Variants in TNFSF9 observed in about 807,000 individuals in gnomAD.
TNFSF9 encodes the protein tumor necrosis factor ligand superfamily member 9.
Under a neutral mutation model 10.3 loss-of-function variants are expected in TNFSF9, and 10 were observed. The observed-to-expected ratio is 0.97, with a 90% CI of 0.60 to 1.65. TNFSF9 has a LOEUF of 1.65. Among genes scored for constraint, TNFSF9 ranks in the 40% most tolerant of loss-of-function variants. TNFSF9 has a pLI of 0.00. For missense variants in TNFSF9, 361 were observed against 348.9 expected, an observed-to-expected ratio of 1.03 and a Z score of -0.28; for synonymous variants, 195 against 176.1, an observed-to-expected ratio of 1.11 and a Z score of -0.85.
At position 6,534,812 on chromosome 19, in the gene TNFSF9, C is replaced by T. The variant is rs374312384; in HGVS notation, c.511C>T (p.Arg171Cys). ...VSLALHLQPL[R>C]SAAGAAALAL... is the part of the protein sequence containing the mutation. Reference sequence around the variant, plus strand: ...ACTTGCGCTGCACCTGCAGCCACTGCGCTCTGCTGCTGGGGCCGCCGCCCT... The same window carrying T: ...ACTTGCGCTGCACCTGCAGCCACTGTGCTCTGCTGCTGGGGCCGCCGCCCT... Residue 171 changes from arginine to cysteine, a missense_variant, in exon 3 of 3, where the codon CGC becomes TGC. Transcript: ENST00000245817. 3.5e-4 allele frequency: 568 copies of T among 1,602,670 alleles called. 7 individuals carry two copies. The South Asian group carries it at 5.8e-3, about 16-fold the overall frequency.
rs370981091 is a variant in TNFSF9 at position 6,534,832 on chromosome 19, C to T, written c.531C>T (p.Ala177=). 10 of 1,605,534 alleles carry T rather than the reference C, an allele frequency of 6.2e-6. No individual in the cohort carries two copies. The highest frequency in any genetic ancestry group is 2.7e-5 in the African/African-American group (2 of 74,956). ...CACTGCGCTCTGCTGCTGGGGCCGC[C>T]GCCCTGGCTTTGACCGTGGACCTGC... ...LQPLRSAAGA[A]ALALTVDLPP... is the part of the protein sequence containing the mutation. Residue 177 remains alanine, a synonymous_variant, in exon 3 of 3, where the codon GCC becomes GCT. Transcript: ENST00000245817.
chr19:6,535,583 T>C lies in TNFSF9; in HGVS notation c.*517T>C, dbSNP rs1915249662. Reference sequence around the variant, plus strand: ...GAAATAGACTGAAAGAAAATCTGAGTTATGGTAATACGTGAGGAATTTAAA... The same window carrying C: ...GAAATAGACTGAAAGAAAATCTGAGCTATGGTAATACGTGAGGAATTTAAA... On this transcript the variant is annotated 3_prime_UTR_variant, in exon 3 of 3. Coordinates refer to ENST00000245817, the MANE Select transcript of TNFSF9 (RefSeq NM_003811.4). 1 of 152,092 alleles carries C rather than the reference T, an allele frequency of 6.6e-6. No homozygotes were observed. Among genetic ancestry groups the C allele is most frequent in the South Asian group, 2.1e-4 (1 of 4,828 alleles). 9.4% of individuals were successfully genotyped at this position (152,092 alleles called of 1,614,324 possible).
At position 6,535,092 on chromosome 19, in the gene TNFSF9, G is replaced by A; in HGVS notation, c.*26G>A. 6.6e-7 allele frequency: 1 copy of A among 1,505,434 alleles called. No homozygotes were observed. Among genetic ancestry groups the A allele is most frequent in the Non-Finnish European group, 8.9e-7 (1 of 1,127,328 alleles). The allele number at this position is 1,505,434 out of a possible 1,614,324, so 93.3% of individuals were successfully genotyped here. A position where few individuals can be genotyped will look rare whatever the true frequency, so the allele number is the denominator to read the frequency against. ...CGTCCAGCCTGGGTGCAGCCCACCT[G>A]GACAGAGTCCGAATCCTACTCCATC... On this transcript the variant is annotated 3_prime_UTR_variant, in exon 3 of 3. Transcript: ENST00000245817.
At chr19:6,534,225 C>G (rs1354105533) in intron 2 of TNFSF9, among the ~76,000 whole-genome samples, 1 of 151,314 alleles carries the variant, frequency 6.6e-6, no homozygotes. Context: ...CCTCTTCCTG[C>G]ATGTCTTTCC....
In TNFSF9 at chr19:6,535,865, A is replaced by G. The variant is rs1034662891; in HGVS notation, c.*799A>G. 2.0e-5 allele frequency: 3 copies of G among 152,138 alleles called. No homozygotes were observed. The highest frequency in any genetic ancestry group is 7.2e-5 in the African/African-American group (3 of 41,408). The allele number at this position is 152,138 out of a possible 1,614,324, so 9.4% of individuals were successfully genotyped here. ...ATTTTTTTGCGGAGACGGTATTGCT[A>G]TGTTGCCAAGGTTGTTTACATGCCA... On this transcript the variant is annotated 3_prime_UTR_variant, in exon 3 of 3. Coordinates refer to ENST00000245817, the MANE Select transcript of TNFSF9 (RefSeq NM_003811.4).
chr19:6,535,008 G>T lies in TNFSF9; in HGVS notation c.707G>T (p.Gly236Val), dbSNP rs1377412627. Residue 236 changes from glycine (G) to valine (V), a missense_variant, in exon 3 of 3, where the codon GGA (glycine) becomes GTA (valine). Coordinates refer to ENST00000245817, the MANE Select transcript of TNFSF9 (RefSeq NM_003811.4). Reference sequence around the variant, plus strand: ...CTTACCCAGGGCGCCACAGTCTTGGGACTCTTCCGGGTGACCCCCGAAATC... The same window carrying T: ...CTTACCCAGGGCGCCACAGTCTTGGTACTCTTCCGGGTGACCCCCGAAATC... ...WQLTQGATVL[G>V]LFRVTPEIPA... 5 of 1,602,640 alleles carry T rather than the reference G, an allele frequency of 3.1e-6. No homozygotes were observed. In the South Asian group the frequency reaches 5.5e-5, roughly 18 times the overall value.
At position 6,535,084 on chromosome 19, in the gene TNFSF9, G is replaced by A. The variant is rs767783717; in HGVS notation, c.*18G>A. The A allele has an allele frequency of 2.6e-6, 4 of 1,523,582 alleles. No individual in the cohort carries two copies. The highest frequency in any genetic ancestry group is 1.3e-5 in the South Asian group (1 of 77,026). 94.4% of individuals were successfully genotyped at this position (1,523,582 alleles called of 1,614,324 possible). On this transcript the variant is annotated 3_prime_UTR_variant, in exon 3 of 3. Coordinates refer to ENST00000245817, the MANE Select transcript of TNFSF9 (RefSeq NM_003811.4). Reference sequence around the variant, plus strand: ...CGGAATAACGTCCAGCCTGGGTGCAGCCCACCTGGACAGAGTCCGAATCCT... The same window carrying A: ...CGGAATAACGTCCAGCCTGGGTGCAACCCACCTGGACAGAGTCCGAATCCT...
chr19:6,535,091 T>C lies in TNFSF9; in HGVS notation c.*25T>C. On this transcript the variant is annotated 3_prime_UTR_variant, in exon 3 of 3. Transcript: ENST00000245817. ...ACGTCCAGCCTGGGTGCAGCCCACC[T>C]GGACAGAGTCCGAATCCTACTCCAT... The C allele has an allele frequency of 6.6e-7, 1 of 1,507,926 alleles. No individual in the cohort carries two copies. The highest frequency in any genetic ancestry group is 8.9e-7 in the Non-Finnish European group (1 of 1,128,472). 93.4% of individuals were successfully genotyped at this position (1,507,926 alleles called of 1,614,324 possible). A position where few individuals can be genotyped will look rare whatever the true frequency, so the allele number is the denominator to read the frequency against.
chr19:6,533,836 C>T (rs370106143), intron 2 of TNFSF9, among the ~76,000 whole-genome samples: 1 of 23,896 alleles, frequency 4.2e-5, no homozygotes. Context: ...TAAGACTCCC[C>T]TCCCTGCCAT....
chr19:6,534,485 C>CG, intron 2 of TNFSF9, 115 bp from the exon 3 acceptor site: 1 of 1,058,390 alleles, frequency 9.4e-7, no homozygotes, highest in Non-Finnish European at 1.3e-6. Flanking sequence ...CCCCGCCCCC[C>CG]GGCCCCTGAC....
In TNFSF9 at chr19:6,534,827, G is replaced by A. The variant is rs765101533; in HGVS notation, c.526G>A (p.Ala176Thr). The change falls in exon 3 of 3, where the codon GCC (alanine) becomes ACC (threonine). Residue 176 changes from alanine to threonine, a missense_variant. Ala to Thr is a moderately conservative substitution (Grantham distance 58). Coordinates refer to ENST00000245817, the MANE Select transcript of TNFSF9 (RefSeq NM_003811.4). ...GCAGCCACTGCGCTCTGCTGCTGGG[G>A]CCGCCGCCCTGGCTTTGACCGTGGA... The part of the protein sequence containing the change: ...HLQPLRSAAG[A>T]AALALTVDLP... 6.2e-7 allele frequency: 1 copy of A among 1,604,708 alleles called. No homozygotes were observed. Among genetic ancestry groups the A allele is most frequent in the South Asian group, 1.1e-5 (1 of 90,036 alleles).
chr19:6,532,913 A>T, intron 2 of TNFSF9, 97 bp downstream of exon 2: 1 of 1,548,414 alleles, frequency 6.5e-7, no homozygotes, highest in Admixed American at 1.7e-5. Context: ...TCTGCCGCAC[A>T]CTGGCTTTGA....
chr19:6,531,942 G>A (rs180858479), intron 1 of TNFSF9, among the ~76,000 whole-genome samples: 7 of 152,214 alleles, frequency 4.6e-5, no homozygotes, highest in African/African-American at 1.7e-4. Flanking sequence ...TCCAACCCTC[G>A]ACGGCTTCCT....
rs1915241109 is a variant in TNFSF9 at position 6,535,115 on chromosome 19, A to G, written c.*49A>G. Reference sequence around the variant, plus strand: ...CTGGACAGAGTCCGAATCCTACTCCATCCTTCATGGAGACCCCTGGTGCTG... The same window carrying G: ...CTGGACAGAGTCCGAATCCTACTCCGTCCTTCATGGAGACCCCTGGTGCTG... On this transcript the variant is annotated 3_prime_UTR_variant, in exon 3 of 3. Coordinates refer to ENST00000245817, the MANE Select transcript of TNFSF9 (RefSeq NM_003811.4). The G allele has an allele frequency of 2.1e-6, 3 of 1,455,988 alleles. No homozygotes were observed. The highest frequency in any genetic ancestry group is 1.4e-5 in the African/African-American group (1 of 70,220). The allele number at this position is 1,455,988 out of a possible 1,614,324, so 90.2% of individuals were successfully genotyped here.
Position 6,531,176 on chromosome 19 carries a change from T to A in TNFSF9, c.140T>A (p.Val47Asp). The change falls in exon 1 of 3, where the codon GTC becomes GAC. Residue 47 changes from valine (V) to aspartate (D), a missense_variant. Val to Asp is a radical substitution (Grantham distance 152, BLOSUM62 -3). Transcript: ENST00000245817. ...LLLLLAAACA[V>D]FLACPWAVSG... is the part of the protein sequence containing the mutation. ...CTGCTGCTCGCTGCCGCCTGCGCCG[T>A]CTTCCTCGCCTGCCCCTGGGCCGTG... is the stretch of plus-strand genomic sequence containing the variant. 1 of 1,590,664 alleles carries A rather than the reference T, an allele frequency of 6.3e-7. No individual in the cohort carries two copies. The highest frequency in any genetic ancestry group is 1.1e-5 in the South Asian group (1 of 89,444).
At chr19:6,531,815 C>A (rs1485441453) in intron 1 of TNFSF9, among the ~76,000 whole-genome samples, 2 of 152,030 alleles carry the variant, frequency 1.3e-5, no homozygotes, top group African/African-American at 4.8e-5. Flanking sequence ...TCTTCTGCAC[C>A]CCGGGTCGGA....
In TNFSF9 at chr19:6,534,982, G is replaced by C. The variant is rs775024623; in HGVS notation, c.681G>C (p.Gln227His). The C allele has an allele frequency of 1.9e-6, 3 of 1,610,658 alleles. No homozygotes were observed. ...AGGCCAGGGCACGCCATGCCTGGCAGCTTACCCAGGGCGCCACAGTCTTGG... is the reference window on the plus strand; with the variant it reads ...AGGCCAGGGCACGCCATGCCTGGCACCTTACCCAGGGCGCCACAGTCTTGG... ...HTEARARHAW[Q>H]LTQGATVLGL... The change falls in exon 3 of 3, where the codon CAG becomes CAC. Residue 227 changes from glutamine (Q) to histidine (H), a missense_variant. Coordinates refer to ENST00000245817, the MANE Select transcript of TNFSF9 (RefSeq NM_003811.4).
Position 6,535,224 on chromosome 19 carries a change from C to A in TNFSF9, c.*158C>A, listed in dbSNP as rs1257224166. 1 of 595,918 alleles carries A rather than the reference C, an allele frequency of 1.7e-6. No individual in the cohort carries two copies. Among genetic ancestry groups the A allele is most frequent in the Non-Finnish European group, 2.7e-6 (1 of 374,148 alleles). 36.9% of individuals were successfully genotyped at this position (595,918 alleles called of 1,614,324 possible). On this transcript the variant is annotated 3_prime_UTR_variant, in exon 3 of 3. Coordinates refer to ENST00000245817, the MANE Select transcript of TNFSF9 (RefSeq NM_003811.4). ...CCCTTGAGGACCCTCCTCACCCACT[C>A]CTTCCCCAAGTTGGACCTTGATATT...
Position 6,531,181 on chromosome 19 carries a change from C to T in TNFSF9, c.145C>T (p.Leu49Phe). ...GCTCGCTGCCGCCTGCGCCGTCTTC[C>T]TCGCCTGCCCCTGGGCCGTGTCCGG... ...LLLAAACAVF[L>F]ACPWAVSGAR... The change falls in exon 1 of 3, where the codon CTC (leucine) becomes TTC (phenylalanine). Residue 49 changes from leucine to phenylalanine, a missense_variant. By Grantham distance (22) the Leu-to-Phe change is conservative. Transcript: ENST00000245817. 1.3e-6 allele frequency: 2 copies of T among 1,587,362 alleles called. No individual in the cohort carries two copies. Among genetic ancestry groups the T allele is most frequent in the Non-Finnish European group, 1.7e-6 (2 of 1,167,178 alleles).
Sources: allele counts gnomAD v4.1 joint callset (sites outside exome capture counted in the v4.1 genomes callset), GRCh38; gene constraint gnomAD v4.1.1; transcripts MANE v1.5; gene names NCBI Gene and HGNC (gene_info 2026-07-23, HGNC 2026-07-21).